Variants in LRCOL1 observed in about 807,000 individuals in gnomAD.
The protein encoded by LRCOL1 is leucine-rich colipase-like protein 1.
In LRCOL1, 21 loss-of-function variants were observed where a neutral mutation model predicts 21.6. That is an observed-to-expected ratio of 0.97 (90% CI 0.69 to 1.40). The LOEUF (loss-of-function observed/expected upper bound fraction) is 1.40, where lower values mean the gene tolerates loss of function less well. Ranked by LOEUF, LRCOL1 falls within the 40% of genes most tolerant of loss-of-function variation. The pLI, the probability that LRCOL1 is intolerant of heterozygous loss-of-function variation, is 0.00. For missense variants in LRCOL1, 198 were observed against 202.3 expected, an observed-to-expected ratio of 0.98 and a Z score of 0.13; for synonymous variants, 98 against 90.1, an observed-to-expected ratio of 1.09 and a Z score of -0.49.
intron 1 of LRCOL1, 143 bp downstream of exon 1, chr12:132,610,180 A>C (rs1489084462): frequency 6.6e-6 from 1 of 152,216 alleles, no homozygotes; most frequent in Non-Finnish European, 1.5e-5. Context: ...GTTCCGCCGC[A>C]GGGTCGATCC....
At chr12:132,608,376 C>T (rs1424992293) in intron 1 of LRCOL1, among the ~76,000 whole-genome samples, 2 of 152,212 alleles carry the variant, frequency 1.3e-5, no homozygotes, top group African/African-American at 2.4e-5. Flanking sequence ...GTGAGCACCA[C>T]GAGGTCAGGA....
In LRCOL1 at chr12:132,603,603, C is replaced by T. The variant is rs570597738; in HGVS notation, c.478-199G>A. ...CGCGCCAGGCGCCCGGAGCTGCTCCCAGCGCCCACGAGGGCGCCTGGTGGT... is the reference window on the plus strand; with the variant it reads ...CGCGCCAGGCGCCCGGAGCTGCTCCTAGCGCCCACGAGGGCGCCTGGTGGT... On this transcript the variant is annotated intron_variant, in intron 5 of 5. Transcript: ENST00000376608. The T allele has an allele frequency of 2.2e-5, 22 of 984,488 alleles. No individual in the cohort carries two copies. The East Asian group carries it at 2.3e-3, about 102-fold the overall frequency. 61.0% of individuals were successfully genotyped at this position (984,488 alleles called of 1,614,324 possible).
chr12:132,606,018 C>T lies in LRCOL1; in HGVS notation c.105+129G>A, dbSNP rs2041303674. The T allele has an allele frequency of 1.2e-6, 1 of 838,090 alleles. No homozygotes were observed. Among genetic ancestry groups the T allele is most frequent in the Non-Finnish European group, 1.8e-6 (1 of 542,182 alleles). 51.9% of individuals were successfully genotyped at this position (838,090 alleles called of 1,614,324 possible). On this transcript the variant is annotated intron_variant, in intron 2 of 5. Transcript: ENST00000376608. This position sits in a 1 kb window ranked among gnomAD's most constrained non-coding sequence, Gnocchi z 4.6. ...TCATCCAGGAAGGCGCTTTGTGTCC[C>T]TTTGAGACCCTCCTGACGGAAAGTG... is the stretch of plus-strand genomic sequence containing the variant.
chr12:132,604,865 C>G (rs916958177), intron 2 of LRCOL1, 34 bp from the exon 3 acceptor site: 11 of 1,533,464 alleles, frequency 7.2e-6, no homozygotes, highest in African/African-American at 2.7e-5. Flanking sequence ...CTCACCTGTT[C>G]CTGGGCAGGG....
At chr12:132,603,804 G>T (rs555361521) in intron 5 of LRCOL1, 1 of 985,314 alleles carries the variant, frequency 1.0e-6, no homozygotes, top group African/African-American at 1.7e-5. Flanking sequence ...TCAGCAGAGC[G>T]GGAGCCTGCA....
Position 132,603,305 on chromosome 12 carries a change from A to G in LRCOL1, c.*97T>C, listed in dbSNP as rs895346834. On this transcript the variant is annotated 3_prime_UTR_variant, in exon 6 of 6. Coordinates refer to ENST00000376608, the MANE Select transcript of LRCOL1 (RefSeq NM_001195520.2). ...CCCAGAAACAGCAGCACAAACCGTA[A>G]GGGAAGCTTCCGCTGGAACCAGCCC... is the stretch of plus-strand genomic sequence containing the variant. 30 of 1,504,644 alleles carry G rather than the reference A, an allele frequency of 2.0e-5. No individual in the cohort carries two copies. The highest frequency in any genetic ancestry group is 1.4e-4 in the Admixed American group (7 of 50,466). The allele number at this position is 1,504,644 out of a possible 1,614,324, so 93.2% of individuals were successfully genotyped here. A position where few individuals can be genotyped will look rare whatever the true frequency, so the allele number is the denominator to read the frequency against.
At chr12:132,604,641 G>T in intron 3 of LRCOL1, 57 bp from the exon 4 acceptor site, 1 of 1,526,268 alleles carries the variant, frequency 6.6e-7, no homozygotes, top group Non-Finnish European at 8.8e-7. Context: ...TGGCTCTTCA[G>T]GGGCAGGTAG....
At chr12:132,603,805 GGAGCCTGCACC>G in intron 5 of LRCOL1, 2 of 985,438 alleles carry the variant, frequency 2.0e-6, no homozygotes, top group Non-Finnish European at 2.4e-6. Context: ...CAGCAGAGCG[GGAGCCTGCACC>G]GAGCACGGCT....
Position 132,606,135 on chromosome 12 carries a change from C to T in LRCOL1, c.105+12G>A. The T allele has an allele frequency of 6.5e-7, 1 of 1,535,968 alleles. No homozygotes were observed. On this transcript the variant is annotated intron_variant, in intron 2 of 5. Coordinates refer to ENST00000376608, the MANE Select transcript of LRCOL1 (RefSeq NM_001195520.2). The surrounding 1 kb of genome is among the most constrained non-coding windows in gnomAD (Gnocchi z 4.6). ...GGGGCCTGCAGGGGCATCAGGGGTG[C>T]CCGGCACCCACCTTATGGGACAGGT...
chr12:132,607,914 C>CAT (rs1566280376), intron 1 of LRCOL1, among the ~76,000 whole-genome samples: 2 of 104,990 alleles, frequency 1.9e-5, no homozygotes, highest in East Asian at 2.9e-4. Flanking sequence ...TCCCTCTCTC[C>CAT]GTCTGTCTCT....
chr12:132,604,767 A>G lies in LRCOL1; in HGVS notation c.170T>C (p.Leu57Pro). The G allele has an allele frequency of 1.3e-6, 2 of 1,536,086 alleles. No individual in the cohort carries two copies. The highest frequency in any genetic ancestry group is 1.7e-6 in the Non-Finnish European group (2 of 1,146,886). Residue 57 changes from leucine to proline, a missense_variant, in exon 3 of 6, where the codon CTG (leucine) becomes CCG (proline). Coordinates refer to ENST00000376608, the MANE Select transcript of LRCOL1 (RefSeq NM_001195520.2). ...CQSNCCTINS[L>P]APHTLCTPKT... ...AGGGGTGCAGAGCGTGTGTGGGGCC[A>G]GGCTGTTGATGGTACAGCAGTTGCT...
chr12:132,606,287 G>A lies in LRCOL1; in HGVS notation c.-13-23C>T. On this transcript the variant is annotated intron_variant, in intron 1 of 5. Coordinates refer to ENST00000376608, the MANE Select transcript of LRCOL1 (RefSeq NM_001195520.2). The surrounding 1 kb of genome is among the most constrained non-coding windows in gnomAD (Gnocchi z 4.6). ...GACCTGCAGAGACCCAGGATTGTGTGGGAGTGTGTCCACGCCAGCCTTGTC... is the reference window on the plus strand; with the variant it reads ...GACCTGCAGAGACCCAGGATTGTGTAGGAGTGTGTCCACGCCAGCCTTGTC... The A allele has an allele frequency of 6.5e-7, 1 of 1,533,234 alleles. No individual in the cohort carries two copies. The highest frequency in any genetic ancestry group is 8.7e-7 in the Non-Finnish European group (1 of 1,144,820). The allele number at this position is 1,533,234 out of a possible 1,614,324, so 95.0% of individuals were successfully genotyped here. A position where few individuals can be genotyped will look rare whatever the true frequency, so the allele number is the denominator to read the frequency against.
chr12:132,604,079 G>T, intron 5 of LRCOL1, 175 bp downstream of exon 5: 1 of 1,421,536 alleles, frequency 7.0e-7, no homozygotes, highest in Non-Finnish European at 9.2e-7. Context: ...CCTTCTCTGC[G>T]GCCCCCACCT....
rs1206652640 is a variant in LRCOL1, at chr12:132,604,371, G to A, written c.360C>T (p.Asn120=). The A allele has an allele frequency of 5.9e-6, 9 of 1,535,548 alleles. No homozygotes were observed. Among genetic ancestry groups the A allele is most frequent in the Non-Finnish European group, 6.1e-6 (7 of 1,146,590 alleles). ...FLQCVPWRKP[N]GDFCSSHQEC... is the part of the protein sequence containing the mutation. ...CCTGATGGCTGCTGCAGAAGTCGCC[G>A]TTGGGCTGGGGAGGCAGCCAGGCAG... The change falls in exon 5 of 6, where the codon AAC becomes AAT. Residue 120 remains asparagine, a synonymous_variant. Coordinates refer to ENST00000376608, the MANE Select transcript of LRCOL1 (RefSeq NM_001195520.2).
intron 5 of LRCOL1, chr12:132,603,928 C>CTCCGGCCTGAAGACG: frequency 8.3e-7 from 1 of 1,209,196 alleles, no homozygotes; most frequent in Non-Finnish European, 1.0e-6. Context: ...GCTGTTCCCT[C>CTCCGGCCTGAAGACG]TCCGGCCTGA....
chr12:132,606,726 C>T lies in LRCOL1; in HGVS notation c.-13-462G>A, dbSNP rs552837867. ...TCCCTCCCCAGCTGCTGACAGCCAC[C>T]GAGCTTTTCACTGTCAGCTTGGTTT... On this transcript the variant is annotated intron_variant, in intron 1 of 5. Coordinates refer to ENST00000376608, the MANE Select transcript of LRCOL1 (RefSeq NM_001195520.2). The surrounding 1 kb of genome is among the most constrained non-coding windows in gnomAD (Gnocchi z 4.6). 1.2e-4 allele frequency among the ~76,000 whole-genome samples: 19 copies of T among 152,082 alleles called. No individual in the cohort carries two copies. The highest frequency in any genetic ancestry group is 6.2e-4 in the South Asian group (3 of 4,824).
chr12:132,604,629 C>T, intron 3 of LRCOL1, 45 bp from the exon 4 acceptor site: 1 of 1,526,250 alleles, frequency 6.6e-7, no homozygotes, highest in Non-Finnish European at 8.8e-7. Context: ...CCATCCACTC[C>T]CTGGCTCTTC....
At position 132,604,721 on chromosome 12, in the gene LRCOL1, G is replaced by A. The variant is rs1204015758; in HGVS notation, c.216C>T (p.Cys72=). The change falls in exon 3 of 6, where the codon TGC becomes TGT. Residue 72 remains cysteine, a synonymous_variant. Transcript: ENST00000376608. Reference sequence around the variant, plus strand: ...CGCACCTCACCTTCCTCCAGGGCAGGCACTGCAGGAAGATGGTCTTAGGGG... The same window carrying A: ...CGCACCTCACCTTCCTCCAGGGCAGACACTGCAGGAAGATGGTCTTAGGGG... ...LCTPKTIFLQ[C]LPWRKPNGYR... is the part of the protein sequence containing the mutation. The A allele has an allele frequency of 3.9e-6, 6 of 1,535,974 alleles. No homozygotes were observed. Among genetic ancestry groups the A allele is most frequent in the Non-Finnish European group, 5.2e-6 (6 of 1,146,884 alleles).
intron 5 of LRCOL1, chr12:132,603,697 A>C (rs1177343828): frequency 1.4e-5 from 14 of 985,278 alleles, no homozygotes; most frequent in African/African-American, 1.7e-5. Context: ...CGACCCTTTC[A>C]CCCCAGACGG....
Sources: gnomAD v4.1 joint callset for allele counts (sites outside exome capture counted in the v4.1 genomes callset) on GRCh38, gnomAD v4.1.1 for gene constraint, Gnocchi (gnomAD v3.1) non-coding constraint, MANE v1.5 for transcripts, NCBI Gene and HGNC (gene_info 2026-07-23, HGNC 2026-07-21) for gene names.